GPHN: variants seen among roughly 807,000 people sequenced by gnomAD.
GPHN encodes gephyrin.
Under a neutral mutation model 95.5 loss-of-function variants are expected in GPHN, and 17 were observed. The observed-to-expected ratio is 0.18, with a 90% CI of 0.12 to 0.27. The LOEUF is 0.27. Ranked by LOEUF, GPHN falls within the 10% of genes least tolerant of loss-of-function variation. The probability of loss-of-function intolerance (pLI) is 1.00; values close to 1 mark genes in which losing one functional copy is unlikely to be tolerated. For synonymous variants in GPHN, 320 were observed against 322.5 expected (o/e 0.99, Z 0.08); for missense variants, 660 against 978.1 (o/e 0.67, Z 4.34).
chr14:67,589,684 C>G, the GPHN span: 1 of 992,096 alleles, frequency 1.0e-6, no homozygotes, highest in East Asian at 1.1e-4. Flanking sequence ...TAACTTTACA[C>G]AAGGGGTACT....
the GPHN span, chr14:67,650,275 C>T: frequency 3.0e-4 from 65 of 215,486 alleles, no homozygotes; most frequent in Non-Finnish European, 4.2e-4. Flanking sequence ...AGTGGGAATG[C>T]AGTTTGGCTA....
chr14:66,978,934 T>C (rs544227474), intron 9 of GPHN, among the ~76,000 whole-genome samples: 8 of 152,326 alleles, frequency 5.3e-5, no homozygotes, highest in Admixed American at 2.6e-4. Flanking sequence ...ATGAAAACAT[T>C]ATCTCCTTGT....
At chr14:67,458,775 G>A in the GPHN span, among the ~76,000 whole-genome samples, 6 of 152,212 alleles carry the variant, frequency 3.9e-5, no homozygotes, top group African/African-American at 9.7e-5. Flanking sequence ...AGGCTAGAGT[G>A]CAGTGGCCTG....
chr14:66,696,556 T>C (rs577419567), intron 2 of GPHN, among the ~76,000 whole-genome samples: 13 of 152,332 alleles, frequency 8.5e-5, no homozygotes, highest in African/African-American at 2.9e-4. Flanking sequence ...TTTCTCTGTT[T>C]AGCCAAAGGG....
chr14:67,173,688 G>A (rs1443563902), intron 21 of GPHN, among the ~76,000 whole-genome samples: 1 of 152,048 alleles, frequency 6.6e-6, no homozygotes, highest in African/African-American at 2.4e-5. Context: ...AACATAATGG[G>A]TCTCTAGTAA....
intron 5 of GPHN, among the ~76,000 whole-genome samples, chr14:66,910,620 C>G (rs1053199750): frequency 3.3e-5 from 5 of 151,942 alleles, no homozygotes; most frequent in African/African-American, 1.2e-4. Context: ...CATTGTAATT[C>G]AGTACACACA....
intron 1 of GPHN, among the ~76,000 whole-genome samples, chr14:66,599,259 A>G (rs2062116697): frequency 1.3e-5 from 2 of 151,874 alleles, no homozygotes; most frequent in African/African-American, 4.8e-5. Context: ...ATGAATCCCA[A>G]ATTTATCCTC....
intron 21 of GPHN, among the ~76,000 whole-genome samples, chr14:67,169,551 T>C (rs528987844): frequency 6.6e-6 from 1 of 152,354 alleles, no homozygotes; most frequent in East Asian, 1.9e-4. Flanking sequence ...CTGAGAAATA[T>C]ACCATGGTAA....
intron 9 of GPHN, among the ~76,000 whole-genome samples, chr14:66,978,687 C>A (rs2070429622): frequency 6.6e-6 from 1 of 152,126 alleles, no homozygotes; most frequent in South Asian, 2.1e-4. Context: ...TCAACTTCTT[C>A]CAACTCCTAT....
At chr14:67,366,811 T>A in the GPHN span, among the ~76,000 whole-genome samples, 1 of 142,750 alleles carries the variant, frequency 7.0e-6, no homozygotes, top group Non-Finnish European at 1.5e-5. Context: ...AAATTGAAAA[T>A]TTGAAGGTGA....
At chr14:67,022,191 T>G (rs995027222) in intron 9 of GPHN, among the ~76,000 whole-genome samples, 2 of 152,154 alleles carry the variant, frequency 1.3e-5, no homozygotes, top group African/African-American at 4.8e-5. Context: ...AGTTCATTAG[T>G]CATTCTTACC....
intron 8 of GPHN, among the ~76,000 whole-genome samples, chr14:66,964,816 A>C (rs1848119790): frequency 6.6e-6 from 1 of 152,176 alleles, no homozygotes; most frequent in African/African-American, 2.4e-5. Context: ...AGCTTAGAGA[A>C]GAGAGGGTGA....
At chr14:67,372,360 T>A in the GPHN span, among the ~76,000 whole-genome samples, 3 of 152,210 alleles carry the variant, frequency 2.0e-5, no homozygotes, top group African/African-American at 7.2e-5. Context: ...CAGGAATCTT[T>A]CTGACCTTGG....
intron 1 of GPHN, among the ~76,000 whole-genome samples, chr14:66,663,628 A>T (rs4644792): frequency 0.25 from 38,383 of 152,126 alleles, 9,757 homozygotes; most frequent in African/African-American, 0.62. Flanking sequence ...AAATCTGCAC[A>T]TAACAATACT....
intron 8 of GPHN, among the ~76,000 whole-genome samples, chr14:66,964,974 T>A (rs940877339): frequency 2.0e-5 from 3 of 152,156 alleles, no homozygotes; most frequent in Non-Finnish European, 4.4e-5. Context: ...GCCTCTCATA[T>A]TAAAAAGTTT....
At chr14:66,556,935 C>G (rs2060026059) in intron 1 of GPHN, among the ~76,000 whole-genome samples, 1 of 152,162 alleles carries the variant, frequency 6.6e-6, no homozygotes, top group African/African-American at 2.4e-5. Context: ...TGCAGTTGCT[C>G]ATGCCTCTAA....
At chr14:67,710,367 T>A in the GPHN span, among the ~76,000 whole-genome samples, 2 of 152,230 alleles carry the variant, frequency 1.3e-5, no homozygotes, top group Admixed American at 1.3e-4. Flanking sequence ...AACCAAAACT[T>A]AATAATAATA....
chr14:66,711,185 C>A (rs146874940), intron 2 of GPHN, among the ~76,000 whole-genome samples: 1 of 151,968 alleles, frequency 6.6e-6, no homozygotes, highest in African/African-American at 2.4e-5. Context: ...TAGTCTTAAC[C>A]CTCCCCCTCC....
At chr14:67,025,981 A>C (rs1044796750) in intron 10 of GPHN, among the ~76,000 whole-genome samples, 3 of 152,186 alleles carry the variant, frequency 2.0e-5, no homozygotes, top group Non-Finnish European at 2.9e-5. Flanking sequence ...CTTTGGACCA[A>C]ACTTCAAAAT....
Sources: allele counts gnomAD v4.1 joint callset (sites outside exome capture counted in the v4.1 genomes callset), GRCh38; gene constraint gnomAD v4.1.1; transcripts MANE v1.5; gene names NCBI Gene and HGNC (gene_info 2026-07-23, HGNC 2026-07-21).